The following GALNT12 variants were observed in gnomAD, a reference collection of about 807,000 sequenced individuals.
GALNT12 encodes polypeptide N-acetylgalactosaminyltransferase 12.
A neutral mutation model predicts 55.5 loss-of-function variants in GALNT12; 45 were observed. That is an observed-to-expected ratio of 0.81 (90% CI 0.64 to 1.04). GALNT12 has a LOEUF of 1.04. Among genes scored for constraint, GALNT12 ranks in the 50% least tolerant of loss-of-function variants. The pLI is 0.00. For missense variants in GALNT12, 709 were observed against 754.8 expected (o/e 0.94, Z 0.71); for synonymous variants, 304 against 312.2 (o/e 0.97, Z 0.28).
In GALNT12 at chr9:98,807,838, C is replaced by G; in HGVS notation, c.140C>G (p.Ala47Gly). 2 of 1,014,290 alleles carry G rather than the reference C, an allele frequency of 2.0e-6. No individual in the cohort carries two copies. The highest frequency in any genetic ancestry group is 2.3e-6 in the Non-Finnish European group (2 of 851,156). The allele number at this position is 1,014,290 out of a possible 1,614,324, so 62.8% of individuals were successfully genotyped here. Residue 47 changes from alanine to glycine, a missense_variant, in exon 1 of 10, where the codon GCT becomes GGT. By Grantham distance (60) the Ala-to-Gly change is moderately conservative (BLOSUM62 0). Transcript: ENST00000375011. ...LRAQRGAGAG[A>G]AEPGPPRTPR... ...GCGCAGCGTGGGGCCGGGGCCGGGG[C>G]TGCCGAGCCGGGACCCCCGCGCACC... is the stretch of plus-strand genomic sequence containing the variant.
Position 98,823,395 on chromosome 9 carries a change from G to T in GALNT12, c.511G>T (p.Val171Leu). The T allele has an allele frequency of 6.2e-7, 1 of 1,614,212 alleles. No homozygotes were observed. The highest frequency in any genetic ancestry group is 8.5e-7 in the Non-Finnish European group (1 of 1,180,020). ...ATCCCCGGATATCCTGCTAGAAGAA[G>T]TGATCCTTGTAGATGACTACAGTGA... Reference protein sequence around the residue: ...ETSPDILLEEVILVDDYSDRE... With the variant: ...ETSPDILLEELILVDDYSDRE... Residue 171 changes from valine to leucine, a missense_variant, in exon 2 of 10, where the codon GTG (valine) becomes TTG (leucine). Physicochemically the swap from Val to Leu is conservative, Grantham distance 32 (BLOSUM62 1). Around this residue, in one of 5 missense-constraint regions of GALNT12, gnomAD observed 315 missense variants for 288.6 expected, o/e 1.09. Transcript: ENST00000375011.
chr9:98,812,898 A>G (rs1187099523), intron 1 of GALNT12, among the ~76,000 whole-genome samples: 3 of 152,256 alleles, frequency 2.0e-5, no homozygotes, highest in Non-Finnish European at 2.9e-5. Flanking sequence ...AATATTAACT[A>G]TGGACCATAG....
At chr9:98,821,129 C>G (rs1835724951) in intron 1 of GALNT12, among the ~76,000 whole-genome samples, 1 of 152,158 alleles carries the variant, frequency 6.6e-6, no homozygotes, top group Admixed American at 6.5e-5. Flanking sequence ...CATGCCTCAG[C>G]TCCCTGAGTA....
intron 3 of GALNT12, among the ~76,000 whole-genome samples, chr9:98,829,257 C>A (rs756934912): frequency 6.6e-6 from 1 of 151,038 alleles, no homozygotes; most frequent in Non-Finnish European, 1.5e-5. Context: ...AGGGTGATCT[C>A]GGCTCACTGC....
intron 1 of GALNT12, among the ~76,000 whole-genome samples, chr9:98,816,291 C>G (rs1261599140): frequency 2.6e-5 from 4 of 151,734 alleles, no homozygotes; most frequent in Non-Finnish European, 4.4e-5. Flanking sequence ...TGGCACCCAG[C>G]CTTCTTGTGA....
chr9:98,817,285 A>T (rs1401902532), intron 1 of GALNT12, among the ~76,000 whole-genome samples: 1 of 152,110 alleles, frequency 6.6e-6, no homozygotes, highest in Non-Finnish European at 1.5e-5. Context: ...ATTCTTTCTG[A>T]GGCTCCTGGT....
chr9:98,839,943 G>C (rs1836245790), intron 6 of GALNT12, 59 bp from the exon 7 acceptor site: 2 of 1,609,514 alleles, frequency 1.2e-6, no homozygotes, highest in Non-Finnish European at 1.7e-6. Context: ...AGTGAACACA[G>C]GGGCTTTGAA....
At chr9:98,848,901 G>A in intron 9 of GALNT12, 51 bp from the exon 10 acceptor site, 1 of 1,610,196 alleles carries the variant, frequency 6.2e-7, no homozygotes, top group East Asian at 2.2e-5. Context: ...ATGTCTTTAG[G>A]AAAAAGAGAC....
chr9:98,820,757 T>C (rs1287940949), intron 1 of GALNT12, among the ~76,000 whole-genome samples: 2 of 152,190 alleles, frequency 1.3e-5, no homozygotes, highest in African/African-American at 4.8e-5. Flanking sequence ...CTTGCCAGCA[T>C]CTGTTGTTTC....
intron 4 of GALNT12, among the ~76,000 whole-genome samples, chr9:98,834,063 G>A (rs1836068540): frequency 6.6e-6 from 1 of 152,090 alleles, no homozygotes; most frequent in South Asian, 2.1e-4. Context: ...GTCCAGGGCA[G>A]GCCCCGATGC....
rs1588444571 is a variant in GALNT12 at position 98,823,194 on chromosome 9, C to T, written c.372-62C>T. 2.0e-6 allele frequency: 3 copies of T among 1,488,994 alleles called. No individual in the cohort carries two copies. The East Asian group carries it at 6.8e-5, about 34-fold the overall frequency. 92.2% of individuals were successfully genotyped at this position (1,488,994 alleles called of 1,614,324 possible). A position where few individuals can be genotyped will look rare whatever the true frequency, so the allele number is the denominator to read the frequency against. ...ACCATGACCTATGTCCCCTTTGTCACTCCATCCCCAGTGCCAGCCTGGGCT... is the reference window on the plus strand; with the variant it reads ...ACCATGACCTATGTCCCCTTTGTCATTCCATCCCCAGTGCCAGCCTGGGCT... On this transcript the variant is annotated intron_variant, in intron 1 of 9. Transcript: ENST00000375011.
rs1048734996 is a variant in GALNT12 at position 98,849,946 on chromosome 9, T to C, written c.*854T>C. The C allele has an allele frequency of 1.8e-5, 4 of 225,476 alleles. No homozygotes were observed. Among genetic ancestry groups the C allele is most frequent in the Non-Finnish European group, 3.5e-5 (4 of 113,996 alleles). 14.0% of individuals were successfully genotyped at this position (225,476 alleles called of 1,614,324 possible). On this transcript the variant is annotated 3_prime_UTR_variant, in exon 10 of 10. Transcript: ENST00000375011. ...AACAGTTATTAATTTAAATCAGCGT[T>C]AGAGTTTGTGCTGCTGCAACTGCTG...
At chr9:98,820,314 T>C (rs1265768739) in intron 1 of GALNT12, among the ~76,000 whole-genome samples, 2 of 152,160 alleles carry the variant, frequency 1.3e-5, no homozygotes, top group East Asian at 3.9e-4. Flanking sequence ...TTCTCATAAT[T>C]CAGTTCTCAC....
At chr9:98,825,795 G>C (rs1835842908) in intron 2 of GALNT12, among the ~76,000 whole-genome samples, 1 of 151,934 alleles carries the variant, frequency 6.6e-6, no homozygotes, top group Admixed American at 6.6e-5. Context: ...GGAAGCATAG[G>C]AAGACCCTAT....
chr9:98,825,943 C>T (rs997089584), intron 2 of GALNT12, among the ~76,000 whole-genome samples: 2 of 151,602 alleles, frequency 1.3e-5, no homozygotes, highest in Non-Finnish European at 2.9e-5. Flanking sequence ...CCACTGCACT[C>T]TAGCCTGGCT....
chr9:98,847,028 A>T (rs1157832433), intron 9 of GALNT12: 1 of 152,212 alleles, frequency 6.6e-6, no homozygotes, highest in African/African-American at 2.4e-5. Context: ...GGATAGTCAC[A>T]GTTGATTTGA....
At chr9:98,839,514 T>C (rs997970716) in intron 6 of GALNT12, among the ~76,000 whole-genome samples, 1 of 152,240 alleles carries the variant, frequency 6.6e-6, no homozygotes, top group Non-Finnish European at 1.5e-5. Context: ...TATTTCATAC[T>C]GAGAACATGA....
intron 9 of GALNT12, chr9:98,847,151 G>T (rs1006225504): frequency 1.3e-5 from 2 of 152,104 alleles, no homozygotes; most frequent in Non-Finnish European, 2.9e-5. Context: ...GCATGTGAGG[G>T]AATAAATCCA....
At chr9:98,839,222 C>T (rs186441365) in intron 6 of GALNT12, among the ~76,000 whole-genome samples, 25 of 152,258 alleles carry the variant, frequency 1.6e-4, no homozygotes, top group African/African-American at 6.0e-4. Context: ...AAGCTGGGGG[C>T]GCAGTGACTT....
Sources: allele counts gnomAD v4.1 joint callset (sites outside exome capture counted in the v4.1 genomes callset), GRCh38; gene constraint gnomAD v4.1.1; regional missense constraint gnomAD v4.1.1; transcripts MANE v1.5; gene names NCBI Gene and HGNC (gene_info 2026-07-23, HGNC 2026-07-21).